Variants in SCN8A observed in about 807,000 individuals in gnomAD.
The protein encoded by SCN8A is sodium channel protein type 8 subunit alpha.
Under a neutral mutation model 184.1 loss-of-function variants are expected in SCN8A, and 30 were observed. The ratio of observed to expected loss-of-function variants is 0.16; its 90% CI spans 0.12 to 0.22. The LOEUF (loss-of-function observed/expected upper bound fraction) is 0.22. Among genes scored for constraint, SCN8A ranks in the 10% least tolerant of loss-of-function variants. SCN8A has a pLI of 1.00. For synonymous variants in SCN8A, 852 were observed against 907.0 expected, an observed-to-expected ratio of 0.94 and a Z score of 1.09; for missense variants, 1,057 against 2,498.9, an observed-to-expected ratio of 0.42 and a Z score of 12.30.
intron 1 of SCN8A, among the ~76,000 whole-genome samples, chr12:51,604,760 C>T (rs1353794286): frequency 6.6e-6 from 1 of 152,100 alleles, no homozygotes; most frequent in African/African-American, 2.4e-5. Context: ...TCTCAAACTC[C>T]TGATCTCAGG....
At chr12:51,651,537 A>T (rs548394476) in intron 1 of SCN8A, among the ~76,000 whole-genome samples, 1 of 152,326 alleles carries the variant, frequency 6.6e-6, no homozygotes, top group South Asian at 2.1e-4. Flanking sequence ...AGAGAAAATG[A>T]AAAGATGCAA....
chr12:51,636,441 A>C lies in SCN8A; in HGVS notation c.-54-26323A>C, dbSNP rs185945805. Among the ~76,000 whole-genome samples, 20 of 152,338 alleles carry C rather than the reference A, an allele frequency of 1.3e-4. No homozygotes were observed. In the East Asian group the frequency reaches 3.9e-3, roughly 29 times the overall value. ...GAAGGCATGGTAACTTTAGCCCAAG[A>C]AGGTGCTCCATTTTATTGACAACAA... On this transcript the variant is annotated intron_variant, in intron 1 of 26. Coordinates refer to ENST00000627620, the MANE Select transcript of SCN8A (RefSeq NM_001330260.2).
intron 6 of SCN8A, among the ~76,000 whole-genome samples, chr12:51,691,532 A>G (rs1051200992): frequency 2.0e-5 from 3 of 152,052 alleles, no homozygotes; most frequent in Non-Finnish European, 4.4e-5. Flanking sequence ...AGCAGCACTT[A>G]TGATTATAAA....
At chr12:51,628,616 G>T (rs1444886878) in intron 1 of SCN8A, among the ~76,000 whole-genome samples, 2 of 152,102 alleles carry the variant, frequency 1.3e-5, no homozygotes, top group African/African-American at 2.4e-5. Flanking sequence ...CTGCATGCTG[G>T]CCCCAGCTGT....
intron 20 of SCN8A, among the ~76,000 whole-genome samples, chr12:51,778,152 A>G (rs1333639073): frequency 6.6e-6 from 1 of 152,240 alleles, no homozygotes; most frequent in Non-Finnish European, 1.5e-5. Flanking sequence ...CATGAAAATT[A>G]GGGTAGCCTA....
rs1350482039 is a variant in SCN8A at position 51,706,493 on chromosome 12, G to A, written c.1413G>A (p.Gly471=). Residue 471 remains glycine, a synonymous_variant, in exon 11 of 27, where the codon GGG becomes GGA. Coordinates refer to ENST00000627620, the MANE Select transcript of SCN8A (RefSeq NM_001330260.2). ...DAIEEEGEEG[G]GSPRSSSEIS... is the part of the protein sequence containing the mutation. ...TAGAGGAAGAAGGTGAAGAAGGAGG[G>A]GGCTCCCCTCGGAGCTCTTCTGAAA... 2 of 1,606,072 alleles carry A rather than the reference G, an allele frequency of 1.2e-6. No homozygotes were observed. The highest frequency in any genetic ancestry group is 1.3e-5 in the African/African-American group (1 of 74,732).
At chr12:51,708,969 T>C (rs2138754928) in intron 11 of SCN8A, among the ~76,000 whole-genome samples, 1 of 152,296 alleles carries the variant, frequency 6.6e-6, no homozygotes, top group Non-Finnish European at 1.5e-5. Flanking sequence ...TAAAAAATTA[T>C]GTAGTAGCAT....
chr12:51,596,011 C>T (rs1171376670), intron 1 of SCN8A, among the ~76,000 whole-genome samples: 1 of 152,134 alleles, frequency 6.6e-6, no homozygotes, highest in Non-Finnish European at 1.5e-5. Context: ...GACTCTTTAC[C>T]CAAAAGGAAT....
At chr12:51,751,238 G>T in intron 13 of SCN8A, 117 bp from the exon 14 acceptor site, 1 of 719,656 alleles carries the variant, frequency 1.4e-6, no homozygotes. Context: ...GAATGTCAGC[G>T]CTCAAAACAA....
intron 1 of SCN8A, among the ~76,000 whole-genome samples, chr12:51,657,708 A>G (rs1048437956): frequency 3.3e-5 from 5 of 152,146 alleles, no homozygotes; most frequent in African/African-American, 1.2e-4. Flanking sequence ...GCCCAGACCA[A>G]TGTCCTGAAG....
chr12:51,600,987 C>T (rs1939451065), intron 1 of SCN8A, among the ~76,000 whole-genome samples: 1 of 152,156 alleles, frequency 6.6e-6, no homozygotes, highest in Admixed American at 6.5e-5. Flanking sequence ...AAATTTAGCA[C>T]TCTATTTAGG....
In SCN8A at chr12:51,780,561, CTTTCTTTTTTTTTTTTTTTTTTT is replaced by C. The variant is rs1565923416; in HGVS notation, c.3820-84_3820-62del. ...TCTAACACTCTGGAACCTCTGTTTT[CTTTCTTTTTTTTTTTTTTTTTTT>C]TTTTTTTTTTTTTTTTTTTTGGTTA... On this transcript the variant is annotated intron_variant, in intron 20 of 26. Transcript: ENST00000627620. 2.6e-5 allele frequency: 12 copies of C among 457,872 alleles called. No individual in the cohort carries two copies. The African/African-American group carries it at 1.1e-3, about 42-fold the overall frequency. 28.4% of individuals were successfully genotyped at this position (457,872 alleles called of 1,614,324 possible).
At chr12:51,753,561 T>C (rs955735359) in intron 14 of SCN8A, among the ~76,000 whole-genome samples, 2 of 152,220 alleles carry the variant, frequency 1.3e-5, no homozygotes, top group African/African-American at 4.8e-5. Context: ...AGATATACTT[T>C]GTTGCCAATC....
chr12:51,595,402 A>C (rs375600409), intron 1 of SCN8A, among the ~76,000 whole-genome samples: 1 of 152,258 alleles, frequency 6.6e-6, no homozygotes, highest in African/African-American at 2.4e-5. Context: ...TTATGGAGAC[A>C]CAGCCAGGAC....
At chr12:51,723,118 G>A (rs1942095537) in intron 12 of SCN8A, 1 of 152,200 alleles carries the variant, frequency 6.6e-6, no homozygotes. Context: ...TTTATTGAAT[G>A]TATAGATAAA....
chr12:51,692,223 C>T (rs1941521991), intron 6 of SCN8A, among the ~76,000 whole-genome samples: 1 of 152,122 alleles, frequency 6.6e-6, no homozygotes, highest in Non-Finnish European at 1.5e-5. Context: ...CACAAAGCTC[C>T]CTGTGTATCA....
In SCN8A at chr12:51,625,993, A is replaced by G. The variant is rs534528624; in HGVS notation, c.-55+34634A>G. ...TCATTGAAAGGAAAGTTTATTACTT[A>G]CATTTCCCAAGACAAGAGGGCATTC... On this transcript the variant is annotated intron_variant, in intron 1 of 26. Transcript: ENST00000627620. Among the ~76,000 whole-genome samples, 3 of 152,312 alleles carry G rather than the reference A, an allele frequency of 2.0e-5. No homozygotes were observed. In the East Asian group the frequency reaches 5.8e-4, roughly 29 times the overall value.
At chr12:51,677,707 G>C (rs981552119) in intron 2 of SCN8A, among the ~76,000 whole-genome samples, 1 of 152,168 alleles carries the variant, frequency 6.6e-6, no homozygotes, top group African/African-American at 2.4e-5. Flanking sequence ...GTGCTTTTCA[G>C]AAGGCTCATT....
chr12:51,751,419 C>A lies in SCN8A; in HGVS notation c.2196C>A (p.Ile732=), dbSNP rs1175413307. The A allele has an allele frequency of 6.2e-7, 1 of 1,613,828 alleles. No individual in the cohort carries two copies. Among genetic ancestry groups the A allele is most frequent in the Non-Finnish European group, 8.5e-7 (1 of 1,179,872 alleles). Reference sequence around the variant, plus strand: ...ATAAATTTGCCAACACTTTCCTCATCTGGGAGTGCCACCCCTACTGGATAA... The same window carrying A: ...ATAAATTTGCCAACACTTTCCTCATATGGGAGTGCCACCCCTACTGGATAA... ...CWYKFANTFL[I]WECHPYWIKL... is the part of the protein sequence containing the mutation. Residue 732 remains isoleucine (I), a synonymous_variant, in exon 14 of 27, where the codon ATC becomes ATA. Coordinates refer to ENST00000627620, the MANE Select transcript of SCN8A (RefSeq NM_001330260.2).
Sources: gnomAD v4.1 joint callset for allele counts (sites outside exome capture counted in the v4.1 genomes callset) on GRCh38, gnomAD v4.1.1 for gene constraint, MANE v1.5 for transcripts, NCBI Gene and HGNC (gene_info 2026-07-23, HGNC 2026-07-21) for gene names.